Variants in ADAMTS17 observed in about 807,000 individuals in gnomAD.
ADAMTS17 encodes the protein ADAM metallopeptidase with thrombospondin type 1 motif 17, also known as A disintegrin and metalloproteinase with thrombospondin motifs 17.
ADAMTS17 carries 113 observed loss-of-function variants against 141.5 expected under a neutral mutation model. The ratio of observed to expected loss-of-function variants is 0.80; its 90% CI spans 0.69 to 0.93. The LOEUF is 0.93. ADAMTS17 is among the 40% of genes least tolerant of loss of function. The pLI is 0.00. For synonymous variants in ADAMTS17, 768 were observed against 630.6 expected, an observed-to-expected ratio of 1.22 and a Z score of -3.27; for missense variants, 1,659 against 1,517.9, an observed-to-expected ratio of 1.09 and a Z score of -1.54.
Position 100,102,010 on chromosome 15 carries a change from G to A in ADAMTS17, c.2017-5534C>T, listed in dbSNP as rs376914202. On this transcript the variant is annotated intron_variant, in intron 14 of 21. Transcript: ENST00000268070. Reference sequence around the variant, plus strand: ...CTTCCTCTTTCTTGACTTCATTCTTGTTTTGCTAAACTACATGTAACTTCT... The same window carrying A: ...CTTCCTCTTTCTTGACTTCATTCTTATTTTGCTAAACTACATGTAACTTCT... 3.3e-5 allele frequency among the ~76,000 whole-genome samples: 5 copies of A among 152,282 alleles called. No homozygotes were observed. The South Asian group carries it at 8.3e-4, about 25-fold the overall frequency.
chr15:100,178,551 A>G (rs1243446265), intron 8 of ADAMTS17, among the ~76,000 whole-genome samples: 2 of 152,190 alleles, frequency 1.3e-5, no homozygotes, highest in African/African-American at 4.8e-5. Flanking sequence ...AATACTCTAT[A>G]ATATGTAGTT....
rs547919587 is a variant in ADAMTS17 at position 100,054,123 on chromosome 15, G to C, written c.2138-69C>G. 9.5e-6 allele frequency: 15 copies of C among 1,583,574 alleles called. No homozygotes were observed. In the Middle Eastern group the frequency reaches 5.0e-4, roughly 53 times the overall value. ...AGGGGGATCCAGCCTGTCTTTAAAC[G>C]GAATCTACAGCCCCTGAGTGGGGCA... On this transcript the variant is annotated intron_variant, in intron 15 of 21. Coordinates refer to ENST00000268070, the MANE Select transcript of ADAMTS17 (RefSeq NM_139057.4).
intron 15 of ADAMTS17, among the ~76,000 whole-genome samples, chr15:100,062,002 G>C (rs1285530980): frequency 1.3e-5 from 2 of 152,250 alleles, no homozygotes; most frequent in African/African-American, 4.8e-5. Context: ...GGGCAGGAGA[G>C]GGAGTGGGCT....
At chr15:100,198,227 G>C (rs1290109899) in intron 8 of ADAMTS17, among the ~76,000 whole-genome samples, 1 of 152,086 alleles carries the variant, frequency 6.6e-6, no homozygotes, top group African/African-American at 2.4e-5. Flanking sequence ...CAATTCAGTG[G>C]ATATGGACCA....
intron 18 of ADAMTS17, among the ~76,000 whole-genome samples, chr15:100,007,937 T>C (rs564730742): frequency 2.6e-5 from 4 of 151,608 alleles, no homozygotes; most frequent in Non-Finnish European, 5.9e-5. Context: ...TGCAAGCACC[T>C]GGGGGGAATG....
intron 7 of ADAMTS17, among the ~76,000 whole-genome samples, chr15:100,205,135 C>T (rs1189527644): frequency 6.6e-6 from 1 of 152,090 alleles, no homozygotes; most frequent in Non-Finnish European, 1.5e-5. Context: ...CTTCGGTTTC[C>T]CAGGTACCTC....
intron 7 of ADAMTS17, among the ~76,000 whole-genome samples, chr15:100,244,799 C>T (rs1195991592): frequency 6.6e-6 from 1 of 152,124 alleles, no homozygotes; most frequent in Non-Finnish European, 1.5e-5. Flanking sequence ...CTCCTTGCCT[C>T]TCCTGCACCG....
intron 8 of ADAMTS17, among the ~76,000 whole-genome samples, chr15:100,157,931 C>T (rs2039511136): frequency 6.6e-6 from 1 of 151,008 alleles, no homozygotes; most frequent in African/African-American, 2.4e-5. Flanking sequence ...CTCAGTCACC[C>T]AGGCTGGAGT....
At chr15:100,299,096 C>A (rs942729089) in intron 3 of ADAMTS17, among the ~76,000 whole-genome samples, 4 of 152,090 alleles carry the variant, frequency 2.6e-5, no homozygotes, top group African/African-American at 9.7e-5. Flanking sequence ...CCTTCATCAC[C>A]TTATTTTAAC....
chr15:100,235,274 C>A (rs138691293), intron 7 of ADAMTS17, among the ~76,000 whole-genome samples: 3 of 152,186 alleles, frequency 2.0e-5, no homozygotes, highest in Admixed American at 2.0e-4. Flanking sequence ...GTCAGTAGGG[C>A]TGGTGGCAGG....
intron 18 of ADAMTS17, among the ~76,000 whole-genome samples, chr15:100,039,890 G>A (rs2141530844): frequency 6.6e-6 from 1 of 152,172 alleles, no homozygotes; most frequent in Non-Finnish European, 1.5e-5. Context: ...ATGTATTTTA[G>A]GGTCTCATAT....
intron 12 of ADAMTS17, among the ~76,000 whole-genome samples, chr15:100,118,689 C>A (rs2037291397): frequency 6.6e-6 from 1 of 152,178 alleles, no homozygotes; most frequent in African/African-American, 2.4e-5. Flanking sequence ...CAGAATGAAT[C>A]AAATCCTGTG....
chr15:100,168,807 T>C (rs1159760239), intron 8 of ADAMTS17: 2 of 152,244 alleles, frequency 1.3e-5, no homozygotes, highest in Admixed American at 6.5e-5. Context: ...GATGTGATTC[T>C]TTCCCTTCCC....
At chr15:100,034,938 C>T (rs2030552939) in intron 18 of ADAMTS17, among the ~76,000 whole-genome samples, 1 of 152,186 alleles carries the variant, frequency 6.6e-6, no homozygotes, top group South Asian at 2.1e-4. Context: ...TAATAATCCC[C>T]TTAGCATAAA....
intron 15 of ADAMTS17, among the ~76,000 whole-genome samples, chr15:100,065,288 A>G (rs1471332792): frequency 2.0e-5 from 3 of 152,216 alleles, no homozygotes; most frequent in African/African-American, 4.8e-5. Flanking sequence ...TTAAAAGATC[A>G]GTGACAACTT....
In ADAMTS17 at chr15:100,273,134, A is replaced by C. The variant is rs556505239; in HGVS notation, c.789+8095T>G. ...GACTTTTACGTCAATGAATATTTGA[A>C]CTATTGTTTTCTTATTTATAAGGGA... is the stretch of plus-strand genomic sequence containing the variant. On this transcript the variant is annotated intron_variant, in intron 4 of 21. Coordinates refer to ENST00000268070, the MANE Select transcript of ADAMTS17 (RefSeq NM_139057.4). 2.0e-5 allele frequency among the ~76,000 whole-genome samples: 3 copies of C among 152,156 alleles called. No individual in the cohort carries two copies. In the East Asian group the frequency reaches 5.8e-4, roughly 29 times the overall value.
intron 15 of ADAMTS17, among the ~76,000 whole-genome samples, chr15:100,066,125 T>C (rs898557550): frequency 2.0e-5 from 3 of 152,246 alleles, no homozygotes; most frequent in East Asian, 1.9e-4. Context: ...CAGTCTATCA[T>C]TGATGGGCAT....
At chr15:100,147,079 T>C (rs915026913) in intron 10 of ADAMTS17, among the ~76,000 whole-genome samples, 4 of 152,142 alleles carry the variant, frequency 2.6e-5, no homozygotes, top group Non-Finnish European at 4.4e-5. Flanking sequence ...TTGATGTCTG[T>C]GACCCACACC....
At chr15:100,228,085 C>T (rs536033134) in intron 7 of ADAMTS17, among the ~76,000 whole-genome samples, 83 of 152,280 alleles carry the variant, frequency 5.5e-4, no homozygotes, top group African/African-American at 1.9e-3. Flanking sequence ...CACTACTGGG[C>T]CTCCTTCATG....
Sources: gnomAD v4.1 joint callset for allele counts (sites outside exome capture counted in the v4.1 genomes callset) on GRCh38, gnomAD v4.1.1 for gene constraint, MANE v1.5 for transcripts, NCBI Gene and HGNC (gene_info 2026-07-23, HGNC 2026-07-21) for gene names.